ZMPSTE24: variants seen among roughly 807,000 people sequenced by gnomAD.
ZMPSTE24 encodes zinc metallopeptidase STE24.
Under a neutral mutation model 56.7 loss-of-function variants are expected in ZMPSTE24, and 48 were observed. The ratio of observed to expected loss-of-function variants is 0.85; its 90% CI spans 0.67 to 1.08. The LOEUF (loss-of-function observed/expected upper bound fraction) is 1.08, where lower values mean the gene tolerates loss of function less well. Ranked by LOEUF, ZMPSTE24 falls within the 50% of genes least tolerant of loss-of-function variation. The probability of loss-of-function intolerance (pLI) is 0.00; values close to 1 mark genes in which losing one functional copy is unlikely to be tolerated. For synonymous variants in ZMPSTE24, 172 were observed against 195.2 expected, an observed-to-expected ratio of 0.88 and a Z score of 0.99; for missense variants, 503 against 548.7, an observed-to-expected ratio of 0.92 and a Z score of 0.83.
chr1:40,294,017 T>A lies in ZMPSTE24; in HGVS notation c.*1348T>A, dbSNP rs1643865201. On this transcript the variant is annotated 3_prime_UTR_variant, in exon 10 of 10. Transcript: ENST00000372759. Reference sequence around the variant, plus strand: ...ATAAAAATCTAGTTTAATACTGCATTATTTATTTTCCTAAGGCTAAAGAGG... The same window carrying A: ...ATAAAAATCTAGTTTAATACTGCATAATTTATTTTCCTAAGGCTAAAGAGG... The A allele has an allele frequency of 6.5e-6, 1 of 152,704 alleles. No individual in the cohort carries two copies. Among genetic ancestry groups the A allele is most frequent in the African/African-American group, 2.4e-5 (1 of 41,482 alleles). 9.5% of individuals were successfully genotyped at this position (152,704 alleles called of 1,614,324 possible).
rs576946052 is a variant in ZMPSTE24, at chr1:40,293,461, C to G, written c.*792C>G. The stretch of plus-strand genomic sequence containing the variant: ...CTCATTCATGCAGTAAATAATACAT[C>G]CTTTCACTCAGCAGAGATGGCCATA... On this transcript the variant is annotated 3_prime_UTR_variant, in exon 10 of 10. Transcript: ENST00000372759. 13 of 152,226 alleles carry G rather than the reference C, an allele frequency of 8.5e-5. No individual in the cohort carries two copies. The highest frequency in any genetic ancestry group is 3.1e-4 in the African/African-American group (13 of 41,528). The allele number at this position is 152,226 out of a possible 1,614,324, so 9.4% of individuals were successfully genotyped here.
intron 8 of ZMPSTE24, among the ~76,000 whole-genome samples, chr1:40,288,298 A>G (rs906787466): frequency 6.6e-6 from 1 of 152,194 alleles, no homozygotes; most frequent in African/African-American, 2.4e-5. Flanking sequence ...GCCTGAAGCT[A>G]TGTTGTGTGG....
At chr1:40,281,199 A>G in intron 6 of ZMPSTE24, 144 bp from the exon 7 acceptor site, 1 of 825,732 alleles carries the variant, frequency 1.2e-6, no homozygotes, top group Non-Finnish European at 2.0e-6. Context: ...GCTGGTGGTG[A>G]ATTATGTTGA....
chr1:40,260,952 C>T lies in ZMPSTE24; in HGVS notation c.237C>T (p.Phe79=), dbSNP rs115173390. The change falls in exon 2 of 10, where the codon TTC becomes TTT. Residue 79 remains phenylalanine, a synonymous_variant. Coordinates refer to ENST00000372759, the MANE Select transcript of ZMPSTE24 (RefSeq NM_005857.5). The part of the protein sequence containing the change: ...LYQLDKSTFS[F]WSGLYSETEG... ...AACTGGATAAAAGCACTTTCAGCTT[C>T]TGGTCAGGACTCTATTCAGAGACTG... is the stretch of plus-strand genomic sequence containing the variant. 1.2e-4 allele frequency: 198 copies of T among 1,614,146 alleles called. No homozygotes were observed. In the East Asian group the frequency reaches 4.1e-3, roughly 34 times the overall value.
intron 2 of ZMPSTE24, among the ~76,000 whole-genome samples, chr1:40,263,730 C>CTTTTTT (rs1282418065): frequency 8.1e-6 from 1 of 124,182 alleles, no homozygotes; most frequent in South Asian, 2.6e-4. Flanking sequence ...TTAGCTTCGA[C>CTTTTTT]TTTTTTTTTT....
intron 4 of ZMPSTE24, among the ~76,000 whole-genome samples, chr1:40,269,672 C>T (rs1365945103): frequency 6.6e-6 from 1 of 152,176 alleles, no homozygotes; most frequent in Non-Finnish European, 1.5e-5. Flanking sequence ...CACTATGTTG[C>T]CCAGGCTGGC....
chr1:40,288,145 T>C (rs1643805218), intron 8 of ZMPSTE24, among the ~76,000 whole-genome samples: 1 of 151,896 alleles, frequency 6.6e-6, no homozygotes, highest in Non-Finnish European at 1.5e-5. Context: ...ACCACTGCAC[T>C]TCCAGCCTGG....
intron 7 of ZMPSTE24, 27 bp from the exon 8 acceptor site, chr1:40,285,898 A>AT (rs1321685746): frequency 1.3e-6 from 2 of 1,583,190 alleles, no homozygotes; most frequent in Admixed American, 1.7e-5. Flanking sequence ...GTTCTCAATA[A>AT]TTTATTTTTG....
chr1:40,266,327 G>A (rs1307014621), intron 2 of ZMPSTE24, among the ~76,000 whole-genome samples: 1 of 152,180 alleles, frequency 6.6e-6, no homozygotes, highest in Non-Finnish European at 1.5e-5. Context: ...CTAAGCTGCT[G>A]TCCTACAGAG....
chr1:40,270,019 G>A lies in ZMPSTE24; in HGVS notation c.519G>A (p.Val173=). ...FMKDAIKKFV[V]TQCILLPVSS... is the part of the protein sequence containing the mutation. ...AAGATGCAATCAAGAAATTTGTTGT[G>A]ACTCAGTGTATTTTGTTGCCTGTGT... is the stretch of plus-strand genomic sequence containing the variant. The change falls in exon 5 of 10, where the codon GTG becomes GTA. Residue 173 remains valine, a synonymous_variant. Transcript: ENST00000372759. 6.2e-7 allele frequency: 1 copy of A among 1,613,812 alleles called. No homozygotes were observed. The highest frequency in any genetic ancestry group is 1.1e-5 in the South Asian group (1 of 90,956).
chr1:40,267,938 G>A lies in ZMPSTE24; in HGVS notation c.357+66G>A, dbSNP rs1643572123. The stretch of plus-strand genomic sequence containing the variant: ...TTAGCTTGGCAGGCTTTCCACTAAA[G>A]TTAATTTTTTGGCTTCTGCCAATGT... On this transcript the variant is annotated intron_variant, in intron 3 of 9. Transcript: ENST00000372759. 6 of 1,475,794 alleles carry A rather than the reference G, an allele frequency of 4.1e-6. No individual in the cohort carries two copies. The East Asian group carries it at 9.1e-5, about 22-fold the overall frequency. The allele number at this position is 1,475,794 out of a possible 1,614,324, so 91.4% of individuals were successfully genotyped here. A position where few individuals can be genotyped will look rare whatever the true frequency, so the allele number is the denominator to read the frequency against.
chr1:40,285,035 C>T lies in ZMPSTE24; in HGVS notation c.955-890C>T, dbSNP rs1006227939. Among the ~76,000 whole-genome samples, 5 of 150,088 alleles carry T rather than the reference C, an allele frequency of 3.3e-5. No homozygotes were observed. The Admixed American group carries it at 3.3e-4, about 10-fold the overall frequency. On this transcript the variant is annotated intron_variant, in intron 7 of 9. Transcript: ENST00000372759. The stretch of plus-strand genomic sequence containing the variant: ...ACGCCTCCCAGTTTCAAGCAGTTCT[C>T]ATGCCTCAGCCTCCTGAGTAGCTGG...
At chr1:40,287,506 A>G (rs181605735) in intron 8 of ZMPSTE24, among the ~76,000 whole-genome samples, 42 of 151,478 alleles carry the variant, frequency 2.8e-4, no homozygotes, top group African/African-American at 9.7e-4. Flanking sequence ...GTGAAGCCCT[A>G]TCTCTACTAA....
At chr1:40,268,380 G>A in intron 3 of ZMPSTE24, 39 bp from the exon 4 acceptor site, 1 of 1,379,260 alleles carries the variant, frequency 7.3e-7, no homozygotes. Flanking sequence ...TTTGCCAGTA[G>A]TTCATAAAAA....
At position 40,281,485 on chromosome 1, in the gene ZMPSTE24, T is replaced by C. The variant is rs1643729435; in HGVS notation, c.912T>C (p.Asn304=). The change falls in exon 7 of 10, where the codon AAT becomes AAC. Residue 304 remains asparagine (N), a synonymous_variant. Transcript: ENST00000372759. The part of the protein sequence containing the change: ...IQEDSGMEPR[N]EEEGNSEEIK... ...AGGATTCTGGCATGGAACCCCGCAATGAGGAAGAAGGGAACAGTGAAGAAA... is the reference window on the plus strand; with the variant it reads ...AGGATTCTGGCATGGAACCCCGCAACGAGGAAGAAGGGAACAGTGAAGAAA... 2 of 1,614,050 alleles carry C rather than the reference T, an allele frequency of 1.2e-6. No individual in the cohort carries two copies. The highest frequency in any genetic ancestry group is 1.7e-6 in the Non-Finnish European group (2 of 1,179,976).
At chr1:40,286,610 A>G (rs1359888124) in intron 8 of ZMPSTE24, among the ~76,000 whole-genome samples, 1 of 151,730 alleles carries the variant, frequency 6.6e-6, no homozygotes, top group Non-Finnish European at 1.5e-5. Context: ...TAGTAGACAC[A>G]GGGTATCACC....
intron 3 of ZMPSTE24, 111 bp from the exon 4 acceptor site, chr1:40,268,308 T>C (rs1351263164): frequency 2.5e-6 from 2 of 793,866 alleles, no homozygotes; most frequent in Non-Finnish European, 4.4e-6. Flanking sequence ...ATGTTATCCA[T>C]AGAATCAAGC....
At chr1:40,266,972 T>C (rs1643555568) in intron 2 of ZMPSTE24, among the ~76,000 whole-genome samples, 1 of 151,360 alleles carries the variant, frequency 6.6e-6, no homozygotes, top group Non-Finnish European at 1.5e-5. Context: ...TTCACCATGT[T>C]GTCCAGGCTG....
At chr1:40,261,104 T>G in intron 2 of ZMPSTE24, 119 bp downstream of exon 2, 1 of 1,287,654 alleles carries the variant, frequency 7.8e-7, no homozygotes, top group Non-Finnish European at 1.1e-6. Flanking sequence ...ACCTTTGTTA[T>G]TGATAGTAAC....
Sources: allele counts gnomAD v4.1 joint callset (sites outside exome capture counted in the v4.1 genomes callset), GRCh38; gene constraint gnomAD v4.1.1; transcripts MANE v1.5; gene names NCBI Gene and HGNC (gene_info 2026-07-23, HGNC 2026-07-21).